The following ESCO2 variants were observed in gnomAD, a reference collection of about 807,000 sequenced individuals.
The protein encoded by ESCO2 is establishment of sister chromatid cohesion N-acetyltransferase 2, also known as N-acetyltransferase ESCO2.
ESCO2 carries 51 observed loss-of-function variants against 61.7 expected under a neutral mutation model. The ratio of observed to expected loss-of-function variants is 0.83; its 90% CI spans 0.66 to 1.04. ESCO2 has a LOEUF of 1.04. ESCO2 is among the 50% of genes least tolerant of loss of function. ESCO2 has a pLI of 0.00. For synonymous variants in ESCO2, 230 were observed against 238.2 expected, an observed-to-expected ratio of 0.97 and a Z score of 0.32; for missense variants, 692 against 686.2, an observed-to-expected ratio of 1.01 and a Z score of -0.09.
intron 7 of ESCO2, among the ~76,000 whole-genome samples, chr8:27,791,654 C>G (rs1213087821): frequency 1.3e-5 from 2 of 152,172 alleles, no homozygotes; most frequent in Non-Finnish European, 2.9e-5. Context: ...CTCCTGACCT[C>G]AAGTGATCCA....
chr8:27,797,442 T>C (rs1805325828), intron 9 of ESCO2, among the ~76,000 whole-genome samples: 1 of 146,810 alleles, frequency 6.8e-6, no homozygotes, highest in South Asian at 2.4e-4. Context: ...TTTCTGACCC[T>C]TCACTTTCAG....
chr8:27,819,587 T>A, the ESCO2 span, among the ~76,000 whole-genome samples: 1 of 152,100 alleles, frequency 6.6e-6, no homozygotes, highest in East Asian at 1.9e-4. Context: ...CTATTCATAC[T>A]TTTTATAATT....
chr8:27,807,147 T>C (rs1805579859), downstream of ESCO2, among the ~76,000 whole-genome samples: 2 of 152,170 alleles, frequency 1.3e-5, no homozygotes, highest in South Asian at 4.1e-4. Context: ...TCTAGTACAG[T>C]GTTGAATAAA....
Position 27,777,185 on chromosome 8 carries a change from T to C in ESCO2, c.861+16T>C, listed in dbSNP as rs766142335. 1 of 1,593,818 alleles carries C rather than the reference T, an allele frequency of 6.3e-7. No individual in the cohort carries two copies. The highest frequency in any genetic ancestry group is 2.2e-5 in the East Asian group (1 of 44,654). On this transcript the variant is annotated intron_variant, in intron 3 of 10. Coordinates refer to ENST00000305188, the MANE Select transcript of ESCO2 (RefSeq NM_001017420.3). ...ATTAATAAAGGTAAAGCTAAATATA[T>C]CACTTTAAAAATGGCTGTATAACAA...
the ESCO2 span, among the ~76,000 whole-genome samples, chr8:27,818,573 A>AT: frequency 1.3e-5 from 2 of 151,996 alleles, no homozygotes; most frequent in African/African-American, 4.8e-5. Flanking sequence ...CCTAATTGCC[A>AT]TTTTTTTCAT....
At chr8:27,802,126 C>A (rs1479193651) in intron 10 of ESCO2, among the ~76,000 whole-genome samples, 2 of 130,294 alleles carry the variant, frequency 1.5e-5, no homozygotes, top group Non-Finnish European at 3.3e-5. Context: ...GAATATCCCT[C>A]AATTTTGATT....
At chr8:27,808,706 C>T (rs1240911529), downstream of ESCO2, among the ~76,000 whole-genome samples, 1 of 134,408 alleles carries the variant, frequency 7.4e-6, no homozygotes, top group African/African-American at 2.8e-5. Flanking sequence ...AAAAAAAAGC[C>T]CTCAGCCAAG....
intron 3 of ESCO2, chr8:27,779,780 C>T (rs557682529): frequency 3.5e-5 from 7 of 201,796 alleles, no homozygotes; most frequent in African/African-American, 1.4e-4. Flanking sequence ...AAGCAATTCT[C>T]CTGCCTCAGC....
At chr8:27,801,335 A>G (rs72609980) in intron 10 of ESCO2, among the ~76,000 whole-genome samples, 21,255 of 152,166 alleles carry the variant, frequency 0.14, 1,788 homozygotes, top group East Asian at 0.34. Flanking sequence ...ACCAAAGACC[A>G]CACTTTGGAA....
At chr8:27,792,974 T>C (rs1805211866) in intron 9 of ESCO2, among the ~76,000 whole-genome samples, 163 bp downstream of exon 9, 1 of 152,220 alleles carries the variant, frequency 6.6e-6, no homozygotes, top group Non-Finnish European at 1.5e-5. Flanking sequence ...CATTAATATT[T>C]GGAATTTTGC....
intron 3 of ESCO2, chr8:27,777,469 T>G: frequency 4.6e-6 from 1 of 215,128 alleles, no homozygotes; most frequent in Non-Finnish European, 9.2e-6. Context: ...CGGCTAATTC[T>G]TGCATTTTTT....
At chr8:27,810,402 T>C (rs778448107), downstream of ESCO2, 24 of 1,607,578 alleles carry the variant, frequency 1.5e-5, no homozygotes, top group South Asian at 2.4e-4. Context: ...AATTACTTTC[T>C]GGTATGATTC....
upstream of ESCO2, chr8:27,773,693 C>A (rs1033652613): frequency 1.3e-5 from 2 of 152,132 alleles, no homozygotes; most frequent in African/African-American, 2.4e-5. Flanking sequence ...ATACAGAGAA[C>A]TTTAACATGG....
intron 2 of ESCO2, 95 bp downstream of exon 2, chr8:27,775,662 A>G (rs1297115144): frequency 8.9e-7 from 1 of 1,124,228 alleles, no homozygotes; most frequent in African/African-American, 1.5e-5. Context: ...TTCTTCCACT[A>G]GCCTACTCCT....
chr8:27,792,656 T>C lies in ESCO2; in HGVS notation c.1354-12T>C. 1 of 1,611,448 alleles carries C rather than the reference T, an allele frequency of 6.2e-7. No individual in the cohort carries two copies. The highest frequency in any genetic ancestry group is 8.5e-7 in the Non-Finnish European group (1 of 1,179,330). On this transcript the variant is annotated splice_polypyrimidine_tract_variant and intron_variant, in intron 8 of 10. Coordinates refer to ENST00000305188, the MANE Select transcript of ESCO2 (RefSeq NM_001017420.3). ...TAAAACATTCACCTGTCTTGGTTTTTAAAATCATTAGGTAGAAGATGTCCA... is the reference window on the plus strand; with the variant it reads ...TAAAACATTCACCTGTCTTGGTTTTCAAAATCATTAGGTAGAAGATGTCCA...
At chr8:27,787,597 A>G (rs1805075610) in intron 5 of ESCO2, among the ~76,000 whole-genome samples, 1 of 152,168 alleles carries the variant, frequency 6.6e-6, no homozygotes, top group African/African-American at 2.4e-5. Context: ...CAAAGTGTGC[A>G]TCTATGTGCA....
At chr8:27,777,207 A>G (rs1230495152) in intron 3 of ESCO2, 38 bp downstream of exon 3, 2 of 1,561,836 alleles carry the variant, frequency 1.3e-6, no homozygotes, top group Non-Finnish European at 1.7e-6. Context: ...TGGCTGTATA[A>G]CAAAACTTCA....
the ESCO2 span, among the ~76,000 whole-genome samples, chr8:27,818,512 CATT>C: frequency 6.6e-6 from 1 of 152,258 alleles, no homozygotes; most frequent in South Asian, 2.1e-4. Flanking sequence ...CAGATTATCT[CATT>C]GTTATTTAGC....
At chr8:27,810,540 C>T, downstream of ESCO2, 1 of 1,307,156 alleles carries the variant, frequency 7.7e-7, no homozygotes, top group East Asian at 2.3e-5. Flanking sequence ...AACAAAATCA[C>T]TTTATGTCAT....
Sources: allele counts gnomAD v4.1 joint callset (sites outside exome capture counted in the v4.1 genomes callset), GRCh38; gene constraint gnomAD v4.1.1; transcripts MANE v1.5; gene names NCBI Gene and HGNC (gene_info 2026-07-23, HGNC 2026-07-21).